Variants in NFE2L3 observed in about 807,000 individuals in gnomAD.
The protein encoded by NFE2L3 is NFE2 like bZIP transcription factor 3, also known as nuclear factor erythroid 2-related factor 3.
In NFE2L3, 18 loss-of-function variants were observed where a neutral mutation model predicts 23.5. The ratio of observed to expected loss-of-function variants is 0.77; its 90% confidence interval spans 0.53 to 1.13. The LOEUF (loss-of-function observed/expected upper bound fraction) is 1.13, where lower values mean the gene tolerates loss of function less well. Ranked by LOEUF, NFE2L3 falls within the 50% of genes most tolerant of loss-of-function variation. NFE2L3 has a pLI of 0.00. For missense variants in NFE2L3, 1,152 were observed against 877.2 expected, an observed-to-expected ratio of 1.31 and a Z score of -3.96; for synonymous variants, 424 against 354.5, an observed-to-expected ratio of 1.20 and a Z score of -2.20.
chr7:26,175,592 A>G (rs571347587), intron 1 of NFE2L3, among the ~76,000 whole-genome samples: 2 of 152,108 alleles, frequency 1.3e-5, no homozygotes, highest in South Asian at 4.1e-4. Context: ...CCTGGCTAAC[A>G]TGGTGAAACC....
rs766435227 is a variant in NFE2L3 at position 26,184,678 on chromosome 7, T to G, written c.980T>G (p.Phe327Cys). The G allele has an allele frequency of 1.9e-6, 3 of 1,613,872 alleles. No individual in the cohort carries two copies. Among genetic ancestry groups the G allele is most frequent in the Non-Finnish European group, 2.5e-6 (3 of 1,179,852 alleles). Reference protein sequence around the residue: ...EAILLCPNNTFRRDPTARTSQ... With the variant: ...EAILLCPNNTCRRDPTARTSQ... ...ATCTTGCTTTGTCCCAACAATACAT[T>G]TAGAAGAGATCCAACAGCAAGGACT... Residue 327 changes from phenylalanine to cysteine, a missense_variant, in exon 4 of 4, where the codon TTT becomes TGT. By Grantham distance (205) the Phe-to-Cys change is radical. Coordinates refer to ENST00000056233, the MANE Select transcript of NFE2L3 (RefSeq NM_004289.7).
intron 3 of NFE2L3, 181 bp from the exon 4 acceptor site, chr7:26,184,352 G>C: frequency 1.8e-6 from 1 of 566,006 alleles, no homozygotes; most frequent in Non-Finnish European, 3.1e-6. Flanking sequence ...CAGGTATTCT[G>C]ATTTGGACTC....
chr7:26,163,589 C>A (rs113067327), intron 1 of NFE2L3, among the ~76,000 whole-genome samples: 115 of 152,254 alleles, frequency 7.6e-4, no homozygotes, highest in African/African-American at 2.6e-3. Context: ...TCAGGTGATC[C>A]GCCCACCTCA....
Position 26,185,070 on chromosome 7 carries a change from C to T in NFE2L3, c.1372C>T (p.His458Tyr), listed in dbSNP as rs1295130802. 1 of 1,613,696 alleles carries T rather than the reference C, an allele frequency of 6.2e-7. No homozygotes were observed. The highest frequency in any genetic ancestry group is 1.7e-5 in the Admixed American group (1 of 60,008). Reference protein sequence around the residue: ...GYCTDHESSSHHDLEGAVGGY... With the variant: ...GYCTDHESSSYHDLEGAVGGY... ...TTGCACTGACCATGAATCTAGTTCC[C>T]ATCATGACTTAGAAGGTGCTGTAGG... is the stretch of plus-strand genomic sequence containing the variant. The change falls in exon 4 of 4, where the codon CAT becomes TAT. Residue 458 changes from histidine to tyrosine, a missense_variant. By Grantham distance (83) the His-to-Tyr change is moderately conservative. Coordinates refer to ENST00000056233, the MANE Select transcript of NFE2L3 (RefSeq NM_004289.7).
chr7:26,159,595 A>G (rs1344737073), intron 1 of NFE2L3, among the ~76,000 whole-genome samples: 2 of 152,170 alleles, frequency 1.3e-5, no homozygotes, highest in African/African-American at 4.8e-5. Context: ...CAAAGATACC[A>G]TGGGTGTGAA....
chr7:26,164,071 G>C (rs550776242), intron 1 of NFE2L3, among the ~76,000 whole-genome samples: 2 of 152,282 alleles, frequency 1.3e-5, no homozygotes, highest in Admixed American at 1.3e-4. Context: ...GGACATTTGG[G>C]TTGGTTCCAA....
intron 1 of NFE2L3, among the ~76,000 whole-genome samples, chr7:26,171,846 C>T (rs1784331972): frequency 1.3e-5 from 2 of 152,220 alleles, no homozygotes. Context: ...AAGACCCCAT[C>T]TCTACAAAAA....
At position 26,186,873 on chromosome 7, in the gene NFE2L3, C is replaced by T. The variant is rs889272591; in HGVS notation, c.*1090C>T. The T allele has an allele frequency of 6.6e-6, 1 of 152,194 alleles. No individual in the cohort carries two copies. The highest frequency in any genetic ancestry group is 2.4e-5 in the African/African-American group (1 of 41,444). 9.4% of individuals were successfully genotyped at this position (152,194 alleles called of 1,614,324 possible). A position where few individuals can be genotyped will look rare whatever the true frequency, so the allele number is the denominator to read the frequency against. ...AAAACCTCACTTAAGTTCACTAGAA[C>T]AGTAAACAGGAGATTGCTGAATTTT... On this transcript the variant is annotated 3_prime_UTR_variant, in exon 4 of 4. Coordinates refer to ENST00000056233, the MANE Select transcript of NFE2L3 (RefSeq NM_004289.7).
chr7:26,185,761 C>T lies in NFE2L3; in HGVS notation c.2063C>T (p.Thr688Ile). 1 of 1,581,992 alleles carries T rather than the reference C, an allele frequency of 6.3e-7. No homozygotes were observed. The highest frequency in any genetic ancestry group is 1.2e-5 in the South Asian group (1 of 85,078). ...ELVASGHKKE[T>I]QKGKRK ...GTGGCCTCAGGCCACAAAAAGGAAA[C>T]CCAAAAGGGAAAGAGAAAGTGAGAA... The change falls in exon 4 of 4, where the codon ACC (threonine) becomes ATC (isoleucine). Residue 688 changes from threonine (T) to isoleucine (I), a missense_variant. Thr to Ile is a moderately conservative substitution (Grantham distance 89, BLOSUM62 -1). Transcript: ENST00000056233.
At position 26,183,722 on chromosome 7, in the gene NFE2L3, A is replaced by G. The variant is rs1562679136; in HGVS notation, c.772A>G (p.Thr258Ala). The change falls in exon 3 of 4, where the codon ACT (threonine) becomes GCT (alanine). Residue 258 changes from threonine (T) to alanine (A), a missense_variant. Thr to Ala is a moderately conservative substitution (Grantham distance 58, BLOSUM62 0). Transcript: ENST00000056233. ...ACAGAGACATCTGAATGGGACAGAT[A>G]CTTCTTTCTCTCTGGAAGACTTATT... ...RNERHLNGTD[T>A]SFSLEDLFQL... 1 of 1,612,154 alleles carries G rather than the reference A, an allele frequency of 6.2e-7. No homozygotes were observed. The highest frequency in any genetic ancestry group is 1.7e-5 in the Admixed American group (1 of 60,022).
Position 26,184,778 on chromosome 7 carries a change from T to C in NFE2L3, c.1080T>C (p.Asn360=). The C allele has an allele frequency of 6.2e-7, 1 of 1,613,920 alleles. No homozygotes were observed. Among genetic ancestry groups the C allele is most frequent in the Non-Finnish European group, 8.5e-7 (1 of 1,179,828 alleles). Residue 360 remains asparagine, a synonymous_variant, in exon 4 of 4, where the codon AAT becomes AAC. Transcript: ENST00000056233. Reference sequence around the variant, plus strand: ...CTGAGCAAACCCTTCCTGGAACTAATTTGACAGGATTTCTTTCACCGGTTG... The same window carrying C: ...CTGAGCAAACCCTTCCTGGAACTAACTTGACAGGATTTCTTTCACCGGTTG... ...TNPEQTLPGT[N]LTGFLSPVDN...
rs1395428363 is a variant in NFE2L3 at position 26,178,000 on chromosome 7, G to A, written c.628G>A (p.Glu210Lys). The stretch of plus-strand genomic sequence containing the variant: ...TGTGGATCATAGTTCCCAGCATGAG[G>A]AAAATGAAGAAAGGGTGTCAGCCCA... ...EAVDHSSQHE[E>K]NEERVSAQKE... is the part of the protein sequence containing the mutation. The change falls in exon 2 of 4, where the codon GAA (glutamate) becomes AAA (lysine). Residue 210 changes from glutamate (E) to lysine (K), a missense_variant. Transcript: ENST00000056233. 5 of 1,614,112 alleles carry A rather than the reference G, an allele frequency of 3.1e-6. No homozygotes were observed. Among genetic ancestry groups the A allele is most frequent in the Non-Finnish European group, 4.2e-6 (5 of 1,179,980 alleles).
chr7:26,157,730 T>C (rs571122196), intron 1 of NFE2L3, among the ~76,000 whole-genome samples: 1 of 152,354 alleles, frequency 6.6e-6, no homozygotes, highest in South Asian at 2.1e-4. Flanking sequence ...AAGGATGTCA[T>C]AAGTTACTGT....
In NFE2L3 at chr7:26,185,437, G is replaced by A. The variant is rs576090486; in HGVS notation, c.1739G>A (p.Arg580His). ...YLTDLQVSLI[R>H]DIRRRGKNKV... ...ACAGACCTACAAGTCTCACTTATCC[G>A]TGACATCAGACGAAGAGGGAAAAAT... is the stretch of plus-strand genomic sequence containing the variant. Residue 580 changes from arginine to histidine, a missense_variant, in exon 4 of 4, where the codon CGT (arginine) becomes CAT (histidine). Transcript: ENST00000056233. The A allele has an allele frequency of 3.2e-5, 52 of 1,614,042 alleles. No individual in the cohort carries two copies. Among genetic ancestry groups the A allele is most frequent in the African/African-American group, 1.1e-4 (8 of 75,010 alleles).
At chr7:26,159,900 G>A (rs17153328) in intron 1 of NFE2L3, among the ~76,000 whole-genome samples, 3,669 of 150,156 alleles carry the variant, frequency 0.024, 88 homozygotes, top group East Asian at 0.1. Flanking sequence ...AGTCTGTCTC[G>A]TTCATGGCAG....
rs1782462542 is a variant in NFE2L3 at position 26,185,556 on chromosome 7, CTTAAG to C, written c.1859_1863del (p.Leu620GlnfsTer7). On this transcript the variant is annotated frameshift_variant, in exon 4 of 4. Coordinates refer to ENST00000056233, the MANE Select transcript of NFE2L3 (RefSeq NM_004289.7). LOFTEE classifies it low-confidence loss of function (END_TRUNC). ...TAACTTGCAAGCAAAGAAGGAAACT[CTTAAG>C]AGAGAGCAAGCACAATGTAACAAAG... 5 of 1,613,800 alleles carry C rather than the reference CTTAAG, an allele frequency of 3.1e-6. No individual in the cohort carries two copies. The highest frequency in any genetic ancestry group is 4.2e-6 in the Non-Finnish European group (5 of 1,179,778).
At chr7:26,175,082 C>G (rs1160496030) in intron 1 of NFE2L3, 1 of 151,286 alleles carries the variant, frequency 6.6e-6, no homozygotes, top group African/African-American at 2.4e-5. Flanking sequence ...CGTGGTGGCT[C>G]ATGCCTGTAA....
At chr7:26,180,882 A>T (rs1784494332) in intron 2 of NFE2L3, among the ~76,000 whole-genome samples, 1 of 152,204 alleles carries the variant, frequency 6.6e-6, no homozygotes, top group Admixed American at 6.5e-5. Flanking sequence ...TTTGTGCCTA[A>T]TTCTTATCAG....
rs1412128849 is a variant in NFE2L3, at chr7:26,152,966, C to A, written c.468C>A (p.Asp156Glu). ...AGGCTGTGCAGGGGGGCGGCGGGGA[C>A]CCCCGAGCGGCTCGGAGTGGCCCCT... The part of the protein sequence containing the change: ...GSQAVQGGGG[D>E]PRAARSGPLD... The change falls in exon 1 of 4, where the codon GAC (aspartate) becomes GAA (glutamate). Residue 156 changes from aspartate to glutamate, a missense_variant. Asp to Glu is a conservative substitution (Grantham distance 45). Transcript: ENST00000056233. This position sits in a 1 kb window ranked among gnomAD's most constrained non-coding sequence, Gnocchi z 4.4. 7.4e-6 allele frequency: 11 copies of A among 1,494,122 alleles called. No homozygotes were observed. In the Middle Eastern group the frequency reaches 9.5e-4, roughly 129 times the overall value. 92.6% of individuals were successfully genotyped at this position (1,494,122 alleles called of 1,614,324 possible).
Sources: allele counts gnomAD v4.1 joint callset (sites outside exome capture counted in the v4.1 genomes callset), GRCh38; gene constraint gnomAD v4.1.1; non-coding constraint Gnocchi (gnomAD v3.1); transcripts MANE v1.5; gene names NCBI Gene and HGNC (gene_info 2026-07-23, HGNC 2026-07-21).